The following SIRPA variants were observed in gnomAD, a reference collection of about 807,000 sequenced individuals.
The protein encoded by SIRPA is tyrosine-protein phosphatase non-receptor type substrate 1.
SIRPA carries 9 observed loss-of-function variants against 50.3 expected under a neutral mutation model. That is an observed-to-expected ratio of 0.18 (90% CI 0.11 to 0.31). SIRPA has a LOEUF of 0.31. Among genes scored for constraint, SIRPA ranks in the 10% least tolerant of loss-of-function variants. The probability of loss-of-function intolerance (pLI) is 1.00; values close to 1 mark genes in which losing one functional copy is unlikely to be tolerated. For synonymous variants in SIRPA, 265 were observed against 284.1 expected, an observed-to-expected ratio of 0.93 and a Z score of 0.68; for missense variants, 474 against 661.6, an observed-to-expected ratio of 0.72 and a Z score of 3.11.
chr20:1,914,885 C>T (rs1344558352), intron 1 of SIRPA, among the ~76,000 whole-genome samples: 3 of 152,132 alleles, frequency 2.0e-5, no homozygotes, highest in African/African-American at 7.2e-5. Context: ...TCTGCCATGT[C>T]ATTTAGCTTT....
chr20:1,940,252 G>C lies in SIRPA; in HGVS notation c.*2684G>C, dbSNP rs1260153225. The C allele has an allele frequency of 1.3e-5, 2 of 152,228 alleles. No homozygotes were observed. The highest frequency in any genetic ancestry group is 1.3e-4 in the Admixed American group (2 of 15,288). 9.4% of individuals were successfully genotyped at this position (152,228 alleles called of 1,614,324 possible). A position where few individuals can be genotyped will look rare whatever the true frequency, so the allele number is the denominator to read the frequency against. ...GCCAGGGTGACTGTGTGGATTCAAG[G>C]AGGTTGGAAGCACTGAGCCCACGCT... is the stretch of plus-strand genomic sequence containing the variant. On this transcript the variant is annotated 3_prime_UTR_variant, in exon 8 of 8. Coordinates refer to ENST00000358771, the MANE Select transcript of SIRPA (RefSeq NM_001040023.2).
Position 1,935,972 on chromosome 20 carries a change from C to T in SIRPA, c.1266+1218C>T, listed in dbSNP as rs13037644. Among the ~76,000 whole-genome samples the T allele has an allele frequency of 8.8e-3, 1,337 of 152,206 alleles. 13 individuals are homozygous for T. The highest frequency in any genetic ancestry group is 0.011 in the Non-Finnish European group (732 of 68,024). On this transcript the variant is annotated intron_variant, in intron 7 of 7. Coordinates refer to ENST00000358771, the MANE Select transcript of SIRPA (RefSeq NM_001040023.2). ...CAACACACTTTGGTTCTTTGCCAGC[C>T]GGACAACTTTGTCCACTTTATTGAA...
chr20:1,915,623 T>C (rs1015773304), intron 2 of SIRPA, among the ~76,000 whole-genome samples, 168 bp downstream of exon 2: 4 of 152,338 alleles, frequency 2.6e-5, no homozygotes, highest in African/African-American at 9.6e-5. Context: ...GACGTCATGC[T>C]ATTTGCTGAA....
At chr20:1,907,023 T>C (rs569523379) in intron 1 of SIRPA, among the ~76,000 whole-genome samples, 1 of 152,316 alleles carries the variant, frequency 6.6e-6, no homozygotes, top group South Asian at 2.1e-4. Flanking sequence ...CCAAGCACCG[T>C]GCTACAGACA....
rs1210978941 is a variant in SIRPA, at chr20:1,921,453, A to C, written c.495A>C (p.Thr165=). ...CGGCGAGGGCCACACCTCAGCACAC[A>C]GTGAGCTTCACCTGCGAGTCCCACG... The part of the protein sequence containing the change: ...GPAARATPQH[T]VSFTCESHGF... Residue 165 remains threonine, a synonymous_variant, in exon 3 of 8, where the codon ACA becomes ACC. Transcript: ENST00000358771. 6.2e-7 allele frequency: 1 copy of C among 1,613,712 alleles called. No individual in the cohort carries two copies. Among genetic ancestry groups the C allele is most frequent in the Non-Finnish European group, 8.5e-7 (1 of 1,179,844 alleles).
Position 1,939,548 on chromosome 20 carries a change from G to T in SIRPA, c.*1980G>T, listed in dbSNP as rs1453898776. On this transcript the variant is annotated 3_prime_UTR_variant, in exon 8 of 8. Transcript: ENST00000358771. This position sits in a 1 kb window ranked among gnomAD's most constrained non-coding sequence, Gnocchi z 4.7. ...TCTTTTACCCAGAGACAGCACATAC[G>T]TGTGCACACGCATGCACACACACAT... is the stretch of plus-strand genomic sequence containing the variant. 1 of 152,186 alleles carries T rather than the reference G, an allele frequency of 6.6e-6. No individual in the cohort carries two copies. Among genetic ancestry groups the T allele is most frequent in the Non-Finnish European group, 1.5e-5 (1 of 68,042 alleles). The allele number at this position is 152,186 out of a possible 1,614,324, so 9.4% of individuals were successfully genotyped here. A position where few individuals can be genotyped will look rare whatever the true frequency, so the allele number is the denominator to read the frequency against.
upstream of SIRPA, chr20:1,894,235 G>A (rs985369706): frequency 6.6e-6 from 1 of 152,140 alleles, no homozygotes; most frequent in African/African-American, 2.4e-5. The surrounding 1 kb of genome is among the most constrained non-coding windows in gnomAD (Gnocchi z 4.0). Flanking sequence ...TCCTGGGGAG[G>A]GTTAAAAGGC....
chr20:1,897,146 C>T (rs1014058613), intron 1 of SIRPA, among the ~76,000 whole-genome samples: 15 of 152,232 alleles, frequency 9.9e-5, no homozygotes, highest in Non-Finnish European at 1.6e-4. Context: ...CCTGGGGCAC[C>T]GGCTGGGAAC....
Position 1,937,360 on chromosome 20 carries a change from A to G in SIRPA, c.1307A>G (p.Lys436Arg). The G allele has an allele frequency of 6.2e-7, 1 of 1,614,116 alleles. No individual in the cohort carries two copies. Among genetic ancestry groups the G allele is most frequent in the Admixed American group, 1.7e-5 (1 of 60,014 alleles). ...ACATATGCAGACCTGAACCTGCCCA[A>G]GGGGAAGAAGCCTGCTCCCCAGGCT... ...DITYADLNLP[K>R]GKKPAPQAAE... is the part of the protein sequence containing the mutation. Residue 436 changes from lysine to arginine, a missense_variant, in exon 8 of 8, where the codon AAG becomes AGG. Transcript: ENST00000358771. The surrounding 1 kb of genome is among the most constrained non-coding windows in gnomAD (Gnocchi z 8.3).
rs1263902870 is a variant in SIRPA, at chr20:1,934,192, T to C, written c.1227-523T>C. On this transcript the variant is annotated intron_variant, in intron 6 of 7. Transcript: ENST00000358771. The surrounding 1 kb of genome is among the most constrained non-coding windows in gnomAD (Gnocchi z 4.6). ...TTTTAAATCTTTATCTGTGGATTTA[T>C]CCTAATTTCCCTAACCAGTCCCAAT... Among the ~76,000 whole-genome samples, 1 of 152,240 alleles carries C rather than the reference T, an allele frequency of 6.6e-6. No homozygotes were observed. The highest frequency in any genetic ancestry group is 2.4e-5 in the African/African-American group (1 of 41,466).
chr20:1,922,597 C>G lies in SIRPA; in HGVS notation c.1039C>G (p.Leu347Val). 1 of 1,613,996 alleles carries G rather than the reference C, an allele frequency of 6.2e-7. No homozygotes were observed. ...GQPAVSKSHD[L>V]KVSAHPKEQG... is the part of the protein sequence containing the mutation. ...GCCAGCGGTCAGCAAAAGCCATGAC[C>G]TGAAGGTCTCAGCCCACCCGAAGGA... Residue 347 changes from leucine to valine, a missense_variant, in exon 4 of 8, where the codon CTG becomes GTG. Leu to Val is a conservative substitution (Grantham distance 32). Around this residue, in one of 4 missense-constraint regions of SIRPA, gnomAD observed 180 missense variants for 206.7 expected, o/e 0.87. Coordinates refer to ENST00000358771, the MANE Select transcript of SIRPA (RefSeq NM_001040023.2).
In SIRPA at chr20:1,936,601, A is replaced by T. The variant is rs3790340; in HGVS notation, c.1267-719A>T. ...CCCTGTTCTCTGTCTCCCTGTCCCC[A>T]GCTTTGCCCTGAGTGAAGGTGAAAT... On this transcript the variant is annotated intron_variant, in intron 7 of 7. Transcript: ENST00000358771. The surrounding 1 kb of genome is among the most constrained non-coding windows in gnomAD (Gnocchi z 4.2). 0.19 allele frequency among the ~76,000 whole-genome samples: 28,828 copies of T among 152,176 alleles called. 2,919 individuals are homozygous for T. The highest frequency in any genetic ancestry group is 0.32 in the Admixed American group (4,847 of 15,300).
chr20:1,901,154 T>C (rs1444730624), intron 1 of SIRPA, among the ~76,000 whole-genome samples: 3 of 145,618 alleles, frequency 2.1e-5, no homozygotes, highest in East Asian at 4.4e-4. Flanking sequence ...TTTCTTCCTT[T>C]CTTTCTTTCT....
At chr20:1,906,970 C>G (rs1243587235) in intron 1 of SIRPA, among the ~76,000 whole-genome samples, 1 of 152,200 alleles carries the variant, frequency 6.6e-6, no homozygotes, top group East Asian at 1.9e-4. Context: ...GCTGCATTTC[C>G]TGTTTACAGG....
At chr20:1,905,339 T>C (rs534957872) in intron 1 of SIRPA, among the ~76,000 whole-genome samples, 2 of 152,288 alleles carry the variant, frequency 1.3e-5, no homozygotes, top group South Asian at 4.1e-4. Flanking sequence ...ATGGGGTGGC[T>C]CCAGCCTCCA....
Position 1,924,885 on chromosome 20 carries a change from C to T in SIRPA, c.1201+8C>T, listed in dbSNP as rs1189458031. On this transcript the variant is annotated splice_region_variant and intron_variant, in intron 5 of 7. Transcript: ENST00000358771. The surrounding 1 kb of genome is among the most constrained non-coding windows in gnomAD (Gnocchi z 4.5). ...GAATCAGACAGAAGAAAGGTGGGTG[C>T]ATTCCCCTCTTCCTCCCTAAGGGTT... 3.7e-6 allele frequency: 6 copies of T among 1,603,424 alleles called. No homozygotes were observed. In the Admixed American group the frequency reaches 8.3e-5, roughly 22 times the overall value.
intron 1 of SIRPA, among the ~76,000 whole-genome samples, chr20:1,914,732 A>G (rs1221720426): frequency 7.0e-6 from 1 of 143,684 alleles, no homozygotes; most frequent in Admixed American, 7.0e-5. Flanking sequence ...AGCCCCAGAT[A>G]TGCCAGGCCC....
intron 2 of SIRPA, among the ~76,000 whole-genome samples, chr20:1,921,144 G>A (rs921743407): frequency 6.6e-6 from 1 of 152,222 alleles, no homozygotes; most frequent in South Asian, 2.1e-4. Flanking sequence ...GAGTGGAGAA[G>A]TTTGAACTCA....
At position 1,933,586 on chromosome 20, in the gene SIRPA, G is replaced by A. The variant is rs1344749845; in HGVS notation, c.1227-1129G>A. Among the ~76,000 whole-genome samples the A allele has an allele frequency of 6.6e-6, 1 of 152,164 alleles. No individual in the cohort carries two copies. Among genetic ancestry groups the A allele is most frequent in the African/African-American group, 2.4e-5 (1 of 41,432 alleles). ...GCCAGTAGTGTGGGGACAGATCTGC[G>A]TGATCTTCCCCAGCAGACGTGCCCC... On this transcript the variant is annotated intron_variant, in intron 6 of 7. Coordinates refer to ENST00000358771, the MANE Select transcript of SIRPA (RefSeq NM_001040023.2). This position sits in a 1 kb window ranked among gnomAD's most constrained non-coding sequence, Gnocchi z 4.4.
Sources: gnomAD v4.1 joint callset for allele counts (sites outside exome capture counted in the v4.1 genomes callset) on GRCh38, gnomAD v4.1.1 for gene constraint, gnomAD v4.1.1 regional missense constraint, Gnocchi (gnomAD v3.1) non-coding constraint, MANE v1.5 for transcripts, NCBI Gene and HGNC (gene_info 2026-07-23, HGNC 2026-07-21) for gene names.